Variants in NRP1 observed in about 807,000 individuals in gnomAD.
NRP1 encodes the protein neuropilin-1.
NRP1 carries 35 observed loss-of-function variants against 106.7 expected under a neutral mutation model. The observed-to-expected ratio is 0.33, with a 90% CI of 0.25 to 0.43. The LOEUF (loss-of-function observed/expected upper bound fraction) is 0.43. Ranked by LOEUF, NRP1 falls within the 20% of genes least tolerant of loss-of-function variation. The pLI, the probability that NRP1 is intolerant of heterozygous loss-of-function variation, is 1.00. For missense variants in NRP1, 1,024 were observed against 1,170.4 expected, an observed-to-expected ratio of 0.87 and a Z score of 1.83; for synonymous variants, 437 against 417.9, an observed-to-expected ratio of 1.05 and a Z score of -0.56.
intron 2 of NRP1, among the ~76,000 whole-genome samples, chr10:33,276,262 A>T (rs1843687899): frequency 6.6e-6 from 1 of 152,220 alleles, no homozygotes; most frequent in African/African-American, 2.4e-5. Flanking sequence ...CCATTTGTTG[A>T]TAAAACAACA....
intron 4 of NRP1, 141 bp downstream of exon 4, chr10:33,263,505 G>A: frequency 3.2e-6 from 2 of 617,318 alleles, no homozygotes; most frequent in Admixed American, 5.9e-5. Context: ...TCACTGCTCT[G>A]AATATAGAGA....
intron 2 of NRP1, among the ~76,000 whole-genome samples, chr10:33,313,117 C>A (rs949512467): frequency 3.9e-5 from 6 of 152,196 alleles, no homozygotes; most frequent in African/African-American, 1.4e-4. Context: ...TAAAATGCAT[C>A]TGTTCATGGG....
chr10:33,233,535 T>C (rs982093990), intron 6 of NRP1, among the ~76,000 whole-genome samples: 2 of 152,194 alleles, frequency 1.3e-5, no homozygotes, highest in Non-Finnish European at 2.9e-5. Flanking sequence ...ATATCACTGC[T>C]TTCTATAATA....
chr10:33,199,346 G>T (rs180923102), intron 11 of NRP1, among the ~76,000 whole-genome samples: 4 of 124,030 alleles, frequency 3.2e-5, no homozygotes, highest in Admixed American at 9.3e-5. Context: ...ACAGGTGTGC[G>T]CCACCATGCC....
chr10:33,234,478 A>G (rs1564407856), intron 6 of NRP1, among the ~76,000 whole-genome samples: 1 of 152,186 alleles, frequency 6.6e-6, no homozygotes, highest in South Asian at 2.1e-4. Flanking sequence ...ATTATTTTAT[A>G]TAATTATAAG....
intron 6 of NRP1, among the ~76,000 whole-genome samples, chr10:33,244,105 C>T (rs1176143857): frequency 6.6e-6 from 1 of 152,188 alleles, no homozygotes; most frequent in East Asian, 1.9e-4. Flanking sequence ...AATCCTCATC[C>T]ACACCAGGGC....
At chr10:33,254,573 A>G (rs1025978933) in intron 5 of NRP1, among the ~76,000 whole-genome samples, 2 of 152,110 alleles carry the variant, frequency 1.3e-5, no homozygotes, top group African/African-American at 4.8e-5. Flanking sequence ...TTTGTATTAA[A>G]TTATTTCTTT....
chr10:33,198,908 T>C (rs1837003906), intron 11 of NRP1, among the ~76,000 whole-genome samples: 1 of 152,124 alleles, frequency 6.6e-6, no homozygotes, highest in African/African-American at 2.4e-5. Context: ...ATTGGAAGAC[T>C]GAACAAATAA....
chr10:33,304,157 G>T (rs2132723032), intron 2 of NRP1, among the ~76,000 whole-genome samples: 1 of 152,294 alleles, frequency 6.6e-6, no homozygotes, highest in South Asian at 2.1e-4. Flanking sequence ...GAAAATAACG[G>T]AAAGACATCA....
chr10:33,226,913 T>C (rs1216573711), intron 6 of NRP1, among the ~76,000 whole-genome samples: 1 of 152,218 alleles, frequency 6.6e-6, no homozygotes, highest in Non-Finnish European at 1.5e-5. Context: ...CCCTGAAATA[T>C]ATAAAACCAA....
intron 6 of NRP1, among the ~76,000 whole-genome samples, chr10:33,246,548 T>C (rs1841438664): frequency 1.3e-5 from 2 of 151,570 alleles, no homozygotes; most frequent in South Asian, 4.2e-4. Context: ...GATGAATGTT[T>C]TGGTTGAAAC....
At chr10:33,255,143 T>C (rs751403903) in intron 5 of NRP1, among the ~76,000 whole-genome samples, 1 of 152,240 alleles carries the variant, frequency 6.6e-6, no homozygotes, top group Non-Finnish European at 1.5e-5. Context: ...ATTTTCTGAA[T>C]TTTCTATCAA....
intron 2 of NRP1, among the ~76,000 whole-genome samples, chr10:33,312,705 A>G (rs1330598514): frequency 6.6e-6 from 1 of 152,208 alleles, no homozygotes; most frequent in Non-Finnish European, 1.5e-5. Context: ...TGTTTTCCAA[A>G]TAGATACATA....
chr10:33,316,051 A>C (rs542759804), intron 2 of NRP1, among the ~76,000 whole-genome samples: 4 of 152,216 alleles, frequency 2.6e-5, no homozygotes, highest in African/African-American at 9.7e-5. Flanking sequence ...CTAGTTAAAA[A>C]TGGTTACTTC....
chr10:33,220,922 A>AAAAC, intron 8 of NRP1, among the ~76,000 whole-genome samples: 1 of 149,590 alleles, frequency 6.7e-6, no homozygotes, highest in Non-Finnish European at 1.5e-5. Context: ...AAAAAAAAAA[A>AAAAC]AGAAAAACAA....
At chr10:33,191,203 A>C (rs1836386435) in intron 13 of NRP1, among the ~76,000 whole-genome samples, 1 of 152,128 alleles carries the variant, frequency 6.6e-6, no homozygotes, top group African/African-American at 2.4e-5. Context: ...TGAAATGACT[A>C]GGTGGGTAGC....
intron 2 of NRP1, among the ~76,000 whole-genome samples, chr10:33,272,466 A>G (rs759065767): frequency 6.6e-6 from 1 of 152,136 alleles, no homozygotes. Context: ...AATGCTTTGC[A>G]TGTTAAAAGA....
At chr10:33,217,251 C>T (rs2269101) in intron 8 of NRP1, among the ~76,000 whole-genome samples, 42,620 of 151,894 alleles carry the variant, frequency 0.28, 6,433 homozygotes, top group East Asian at 0.62. Flanking sequence ...AATGCCCTTT[C>T]TCTAATGCAG....
intron 2 of NRP1, among the ~76,000 whole-genome samples, chr10:33,279,112 G>C (rs1843922007): frequency 6.6e-6 from 1 of 152,168 alleles, no homozygotes; most frequent in South Asian, 2.1e-4. Context: ...GACTTGGAAG[G>C]GGAGAAACCA....
Sources: allele counts gnomAD v4.1 joint callset (sites outside exome capture counted in the v4.1 genomes callset), GRCh38; gene constraint gnomAD v4.1.1; transcripts MANE v1.5; gene names NCBI Gene and HGNC (gene_info 2026-07-23, HGNC 2026-07-21).